The following ZC3H12D variants were observed in gnomAD, a reference collection of about 807,000 sequenced individuals.
The protein encoded by ZC3H12D is probable ribonuclease ZC3H12D.
ZC3H12D carries 11 observed loss-of-function variants against 24.2 expected under a neutral mutation model. That is an observed-to-expected ratio of 0.46 (90% CI 0.29 to 0.75). The LOEUF (loss-of-function observed/expected upper bound fraction) is 0.75. ZC3H12D is among the 30% of genes least tolerant of loss of function. The pLI is 0.11. For synonymous variants in ZC3H12D, 333 were observed against 341.8 expected (o/e 0.97, Z 0.28); for missense variants, 740 against 767.7 (o/e 0.96, Z 0.43).
chr6:149,479,469 A>T (rs903546235), intron 1 of ZC3H12D, among the ~76,000 whole-genome samples: 1 of 152,220 alleles, frequency 6.6e-6, no homozygotes, highest in East Asian at 1.9e-4. Context: ...TTGTCTTGGA[A>T]GACATCAAGA....
In ZC3H12D at chr6:149,461,812, T is replaced by C; in HGVS notation, c.445+19A>G. On this transcript the variant is annotated intron_variant, in intron 3 of 5. Transcript: ENST00000409806. ...AAACGTGTCTAGTACCTCTTGAGCA[T>C]ACATCTGCTCCAGCATACCTCTGAT... is the stretch of plus-strand genomic sequence containing the variant. The C allele has an allele frequency of 2.6e-6, 4 of 1,550,162 alleles. No individual in the cohort carries two copies. The highest frequency in any genetic ancestry group is 3.5e-6 in the Non-Finnish European group (4 of 1,146,652).
intron 2 of ZC3H12D, among the ~76,000 whole-genome samples, chr6:149,469,988 C>G (rs1776220520): frequency 6.6e-6 from 1 of 152,204 alleles, no homozygotes; most frequent in African/African-American, 2.4e-5. Context: ...GAATCCAGAG[C>G]TGGCTCTTCT....
At chr6:149,467,152 C>T (rs1231155159) in intron 2 of ZC3H12D, among the ~76,000 whole-genome samples, 2 of 152,206 alleles carry the variant, frequency 1.3e-5, no homozygotes, top group Non-Finnish European at 2.9e-5. Context: ...GGCATCCACT[C>T]ATCTGCACGT....
chr6:149,474,727 CCAGT>C (rs1776304777), intron 1 of ZC3H12D, 114 bp from the exon 2 acceptor site: 2 of 467,096 alleles, frequency 4.3e-6, no homozygotes, highest in Non-Finnish European at 7.2e-6. Context: ...CAGGTGGAGC[CCAGT>C]CCCACTGGGG....
intron 2 of ZC3H12D, among the ~76,000 whole-genome samples, chr6:149,465,997 T>C (rs777969502): frequency 2.6e-5 from 4 of 151,848 alleles, no homozygotes; most frequent in Non-Finnish European, 5.9e-5. Flanking sequence ...AGAAACCAGG[T>C]TTCTGCAAGG....
chr6:149,471,313 GGGGTCA>G (rs1337562554), intron 2 of ZC3H12D, among the ~76,000 whole-genome samples: 1 of 152,216 alleles, frequency 6.6e-6, no homozygotes, highest in Non-Finnish European at 1.5e-5. Flanking sequence ...AGCACAGGTG[GGGGTCA>G]GGGTCTGATT....
rs1399285970 is a variant in ZC3H12D at position 149,456,698 on chromosome 6, C to T, written c.648G>A (p.Gln216=). 1.2e-6 allele frequency: 2 copies of T among 1,613,612 alleles called. No individual in the cohort carries two copies. The highest frequency in any genetic ancestry group is 3.3e-5 in the Admixed American group (2 of 60,030). The part of the protein sequence containing the change: ...ENPEWKWFIE[Q]RLLMFSFVND... ...TGACGAAGGAGAACATGAGCAGCCT[C>T]TGCTCGATGAACCACTTCCACTCGG... The change falls in exon 4 of 6, where the codon CAG becomes CAA. Residue 216 remains glutamine, a synonymous_variant. Transcript: ENST00000409806. The surrounding 1 kb of genome is among the most constrained non-coding windows in gnomAD (Gnocchi z 4.3).
rs922702054 is a variant in ZC3H12D, at chr6:149,448,967, C to T, written c.*1716G>A. The T allele has an allele frequency of 2.0e-5, 3 of 152,234 alleles. No individual in the cohort carries two copies. The highest frequency in any genetic ancestry group is 2.9e-5 in the Non-Finnish European group (2 of 68,072). 9.4% of individuals were successfully genotyped at this position (152,234 alleles called of 1,614,324 possible). ...TGGTCTTCCCCTGGGAAGTGCCTCCCGCTTTCCCCAAACTGCCAAGCTACC... is the reference window on the plus strand; with the variant it reads ...TGGTCTTCCCCTGGGAAGTGCCTCCTGCTTTCCCCAAACTGCCAAGCTACC... On this transcript the variant is annotated 3_prime_UTR_variant, in exon 6 of 6. Transcript: ENST00000409806.
intron 2 of ZC3H12D, among the ~76,000 whole-genome samples, chr6:149,472,090 G>A (rs1776253156): frequency 6.6e-6 from 1 of 152,216 alleles, no homozygotes; most frequent in Non-Finnish European, 1.5e-5. Context: ...GCACCCACCT[G>A]AACCTTTCAC....
chr6:149,459,820 G>C, intron 3 of ZC3H12D: 1 of 659,894 alleles, frequency 1.5e-6, no homozygotes, highest in East Asian at 2.7e-5. Context: ...CTCCATGCCA[G>C]GTATACTAAA....
At chr6:149,470,854 A>T (rs1776232761) in intron 2 of ZC3H12D, among the ~76,000 whole-genome samples, 1 of 152,252 alleles carries the variant, frequency 6.6e-6, no homozygotes, top group African/African-American at 2.4e-5. Flanking sequence ...CGAACGTCAC[A>T]CGTGGCAAGT....
intron 3 of ZC3H12D, among the ~76,000 whole-genome samples, chr6:149,457,763 C>A (rs879543834): frequency 3.3e-5 from 5 of 152,020 alleles, no homozygotes; most frequent in African/African-American, 1.2e-4. Flanking sequence ...CTGGATTTTG[C>A]CTTTGGAGAC....
At position 149,452,667 on chromosome 6, in the gene ZC3H12D, G is replaced by A; in HGVS notation, c.736C>T (p.Leu246=). 6.2e-7 allele frequency: 1 copy of A among 1,608,756 alleles called. No individual in the cohort carries two copies. Among genetic ancestry groups the A allele is most frequent in the South Asian group, 1.1e-5 (1 of 89,924 alleles). ...TCTGGGGGCTTCGGCTTCCTGCTCAGGAAGTTGCTCAGGGAGGGTCCATGG... is the reference window on the plus strand; with the variant it reads ...TCTGGGGGCTTCGGCTTCCTGCTCAAGAAGTTGCTCAGGGAGGGTCCATGG... ...GRHGPSLSNF[L]SRKPKPPEPS... The change falls in exon 5 of 6, where the codon CTG becomes TTG. Residue 246 remains leucine, a synonymous_variant. Coordinates refer to ENST00000409806, the MANE Select transcript of ZC3H12D (RefSeq NM_207360.3). This position sits in a 1 kb window ranked among gnomAD's most constrained non-coding sequence, Gnocchi z 4.0.
Position 149,456,628 on chromosome 6 carries a change from G to A in ZC3H12D, c.680+38C>T, listed in dbSNP as rs1403795740. The A allele has an allele frequency of 7.6e-6, 6 of 787,340 alleles. No homozygotes were observed. Among genetic ancestry groups the A allele is most frequent in the South Asian group, 7.1e-5 (5 of 70,876 alleles). 48.8% of individuals were successfully genotyped at this position (787,340 alleles called of 1,614,324 possible). A position where few individuals can be genotyped will look rare whatever the true frequency, so the allele number is the denominator to read the frequency against. ...TGCCTCGACCCCGGCCCCCCGCCCC[G>A]CCGCCCCCCAGGGTGTCAGGACCCC... is the stretch of plus-strand genomic sequence containing the variant. On this transcript the variant is annotated intron_variant, in intron 4 of 5. Transcript: ENST00000409806. The surrounding 1 kb of genome is among the most constrained non-coding windows in gnomAD (Gnocchi z 4.3).
rs184911401 is a variant in ZC3H12D, at chr6:149,473,760, A to G, written c.305+479T>C. Reference sequence around the variant, plus strand: ...CTGATGCTCATAACCTTGAGAGAGTAGAAGAGATATTTGTGGGCCTCTTTC... The same window carrying G: ...CTGATGCTCATAACCTTGAGAGAGTGGAAGAGATATTTGTGGGCCTCTTTC... On this transcript the variant is annotated intron_variant, in intron 2 of 5. Coordinates refer to ENST00000409806, the MANE Select transcript of ZC3H12D (RefSeq NM_207360.3). 4.7e-3 allele frequency among the ~76,000 whole-genome samples: 708 copies of G among 152,246 alleles called. 4 individuals are homozygous for G. The highest frequency in any genetic ancestry group is 0.016 in the African/African-American group (679 of 41,550).
At chr6:149,453,139 A>G (rs964850701) in intron 4 of ZC3H12D, among the ~76,000 whole-genome samples, 2 of 151,616 alleles carry the variant, frequency 1.3e-5, no homozygotes, top group African/African-American at 4.8e-5. Flanking sequence ...AAAAAAAAAA[A>G]AAAAAAAGAA....
intron 2 of ZC3H12D, among the ~76,000 whole-genome samples, chr6:149,468,290 A>G (rs1776192606): frequency 6.6e-6 from 1 of 152,120 alleles, no homozygotes; most frequent in South Asian, 2.1e-4. Context: ...CAGAGATGGG[A>G]GTTTTGAATA....
intron 1 of ZC3H12D, among the ~76,000 whole-genome samples, chr6:149,483,711 C>G (rs1776458514): frequency 6.6e-6 from 1 of 152,126 alleles, no homozygotes; most frequent in Admixed American, 6.6e-5. Context: ...CCATGGCTGG[C>G]AGGGTTTTTT....
At chr6:149,453,947 T>C (rs1054719396) in intron 4 of ZC3H12D, among the ~76,000 whole-genome samples, 12 of 152,196 alleles carry the variant, frequency 7.9e-5, no homozygotes, top group African/African-American at 2.9e-4. Context: ...TAGGTCCCAT[T>C]TCTCCTGTGT....
Sources: allele counts gnomAD v4.1 joint callset (sites outside exome capture counted in the v4.1 genomes callset), GRCh38; gene constraint gnomAD v4.1.1; non-coding constraint Gnocchi (gnomAD v3.1); transcripts MANE v1.5; gene names NCBI Gene and HGNC (gene_info 2026-07-23, HGNC 2026-07-21).